ACACA: variants seen among roughly 807,000 people sequenced by gnomAD.
The protein encoded by ACACA is acetyl-CoA carboxylase alpha.
Under a neutral mutation model 296.1 loss-of-function variants are expected in ACACA, and 103 were observed. The ratio of observed to expected loss-of-function variants is 0.35; its 90% CI spans 0.30 to 0.41. The LOEUF is 0.41. Ranked by LOEUF, ACACA falls within the 10% of genes least tolerant of loss-of-function variation. ACACA has a pLI of 1.00. For synonymous variants in ACACA, 953 were observed against 1,038.6 expected (o/e 0.92, Z 1.58); for missense variants, 1,554 against 2,989.7 (o/e 0.52, Z 11.20).
At chr17:37,383,657 C>T (rs1311513922) in intron 1 of ACACA, among the ~76,000 whole-genome samples, 4 of 152,220 alleles carry the variant, frequency 2.6e-5, no homozygotes, top group African/African-American at 4.8e-5. Flanking sequence ...AAGCAATTCT[C>T]GTGCTTCAGC....
In ACACA at chr17:37,332,220, TAAAA is replaced by T. The variant is rs771392453; in HGVS notation, c.86-1799_86-1796del. 1.0e-3 allele frequency among the ~76,000 whole-genome samples: 142 copies of T among 138,522 alleles called. 2 individuals carry two copies. Among genetic ancestry groups the T allele is most frequent in the Middle Eastern group, 3.6e-3 (1 of 276 alleles). The allele number at this position is 138,522 out of a possible 152,430, so 90.9% of individuals were successfully genotyped here. A position where few individuals can be genotyped will look rare whatever the true frequency, so the allele number is the denominator to read the frequency against. On this transcript the variant is annotated intron_variant, in intron 2 of 55. Transcript: ENST00000616317. Reference sequence around the variant, plus strand: ...TATCCCAGAACTTAAAAGTATAATTTAAAAAAAAAAAAGAAAGAAAAAGAAACTA... The same window carrying T: ...TATCCCAGAACTTAAAAGTATAATTTAAAAAAAAGAAAGAAAAAGAAACTA...
intron 1 of ACACA, among the ~76,000 whole-genome samples, chr17:37,395,265 C>T (rs925367324): frequency 5.3e-5 from 8 of 151,540 alleles, no homozygotes; most frequent in Non-Finnish European, 1.2e-4. Context: ...ACCATCTTTA[C>T]TAAAAATACA....
At position 37,342,406 on chromosome 17, in the gene ACACA, CAAAAAAAAAAAAAA is replaced by C. The variant is rs1173872959; in HGVS notation, c.39-2570_39-2557del. Among the ~76,000 whole-genome samples the C allele has an allele frequency of 7.6e-4, 16 of 21,112 alleles. 1 individual carries two copies. The East Asian group carries it at 0.023, about 30-fold the overall frequency. The allele number at this position is 21,112 out of a possible 152,430, so 13.9% of individuals were successfully genotyped here. On this transcript the variant is annotated intron_variant, in intron 1 of 55. Transcript: ENST00000616317. ...CTGTGGACAAAGTAAGACTGTCTCT[CAAAAAAAAAAAAAA>C]AAAAAAAAAAAAAAAAATATATATA...
chr17:37,297,398 G>A (rs1212749186), intron 3 of ACACA, among the ~76,000 whole-genome samples: 1 of 147,266 alleles, frequency 6.8e-6, no homozygotes, highest in Non-Finnish European at 1.5e-5. Flanking sequence ...CCAAGATCGC[G>A]CCATCACACT....
chr17:37,248,477 G>T, intron 17 of ACACA, 116 bp downstream of exon 17: 2 of 842,486 alleles, frequency 2.4e-6, no homozygotes, highest in East Asian at 2.5e-5. Context: ...AAATAATGAC[G>T]GTAATTTCAC....
chr17:37,295,457 G>T (rs999662749), intron 3 of ACACA, among the ~76,000 whole-genome samples: 3 of 152,158 alleles, frequency 2.0e-5, no homozygotes, highest in Admixed American at 1.3e-4. Context: ...ACAAAGCAGG[G>T]AAAGAATAAA....
chr17:37,220,338 C>T (rs1393704274), intron 29 of ACACA, among the ~76,000 whole-genome samples: 1 of 152,014 alleles, frequency 6.6e-6, no homozygotes, highest in Non-Finnish European at 1.5e-5. Flanking sequence ...CAGAAGCAGC[C>T]CTGCAGCCTG....
chr17:37,253,042 A>G lies in ACACA; in HGVS notation c.1827-6T>C, dbSNP rs1432258553. 1.9e-6 allele frequency: 3 copies of G among 1,614,138 alleles called. No homozygotes were observed. In the Admixed American group the frequency reaches 5.0e-5, roughly 27 times the overall value. On this transcript the variant is annotated splice_region_variant and splice_polypyrimidine_tract_variant and intron_variant, in intron 14 of 55. Coordinates refer to ENST00000616317, the MANE Select transcript of ACACA (RefSeq NM_198834.3). ...TCAAAGCCACCACCATGTTTCTGGG[A>G]GAACAGAAGCCAATCTGTTTCAGCA...
intron 41 of ACACA, among the ~76,000 whole-genome samples, chr17:37,178,930 A>G (rs887946646): frequency 6.6e-6 from 1 of 152,226 alleles, no homozygotes; most frequent in Admixed American, 6.5e-5. Flanking sequence ...TGTTTCATCT[A>G]CACACCCACC....
At chr17:37,380,280 TG>T (rs2050188165) in intron 1 of ACACA, among the ~76,000 whole-genome samples, 1 of 60,676 alleles carries the variant, frequency 1.6e-5, no homozygotes, top group African/African-American at 7.7e-5. Context: ...TGTTGTGGGG[TG>T]GGGGGAGGGG....
chr17:37,115,981 CT>C (rs892423114), intron 50 of ACACA, among the ~76,000 whole-genome samples: 264 of 145,334 alleles, frequency 1.8e-3, no homozygotes, highest in Admixed American at 1.7e-3. Context: ...CTACTTCATT[CT>C]TTTTTTTTTT....
At chr17:37,299,655 AACTAG>A in intron 3 of ACACA, 1 of 1,110,494 alleles carries the variant, frequency 9.0e-7, no homozygotes, top group Non-Finnish European at 1.1e-6. Flanking sequence ...AAGCTTGTTT[AACTAG>A]AAAGTAGATC....
Position 37,330,232 on chromosome 17 carries a change from T to C in ACACA, c.279A>G (p.Ser93=), listed in dbSNP as rs760966676. Residue 93 remains serine, a synonymous_variant, in exon 3 of 56, where the codon TCA becomes TCG. Coordinates refer to ENST00000616317, the MANE Select transcript of ACACA (RefSeq NM_198834.3). ...EGSLSPASVG[S]DTLSDLGISS... ...AGATCCCCAAATCAGAGAGTGTATC[T>C]GAGCCAACAGAAGCAGGTGACAAGG... 6.2e-7 allele frequency: 1 copy of C among 1,614,186 alleles called. No homozygotes were observed. Among genetic ancestry groups the C allele is most frequent in the Admixed American group, 1.7e-5 (1 of 60,014 alleles).
At chr17:37,301,964 T>C (rs1474423432) in intron 3 of ACACA, among the ~76,000 whole-genome samples, 1 of 152,094 alleles carries the variant, frequency 6.6e-6, no homozygotes, top group Admixed American at 6.5e-5. Flanking sequence ...TCCATTTATT[T>C]AGATTTTATT....
intron 41 of ACACA, among the ~76,000 whole-genome samples, 185 bp from the exon 42 acceptor site, chr17:37,162,235 A>C (rs920564251): frequency 6.6e-6 from 1 of 152,208 alleles, no homozygotes; most frequent in East Asian, 1.9e-4. Context: ...TTATGCTGAG[A>C]ACAGCTGGTC....
intron 39 of ACACA, among the ~76,000 whole-genome samples, chr17:37,183,129 G>A (rs965582332): frequency 2.0e-5 from 3 of 152,160 alleles, no homozygotes; most frequent in Non-Finnish European, 2.9e-5. Flanking sequence ...TGGGGTAAAC[G>A]CAGCAGGTTC....
At chr17:37,329,614 T>C (rs1199411399) in intron 3 of ACACA, among the ~76,000 whole-genome samples, 2 of 148,964 alleles carry the variant, frequency 1.3e-5, no homozygotes, top group African/African-American at 2.5e-5. Flanking sequence ...GCACTCCCAT[T>C]TGGGCGACAG....
intron 1 of ACACA, chr17:37,366,887 T>A (rs2049625384): frequency 6.6e-6 from 1 of 152,048 alleles, no homozygotes. Context: ...CAGGAGTTTG[T>A]GACCAGCATG....
intron 45 of ACACA, among the ~76,000 whole-genome samples, chr17:37,134,014 A>G (rs2075223371): frequency 6.6e-6 from 1 of 152,228 alleles, no homozygotes; most frequent in South Asian, 2.1e-4. Flanking sequence ...TACTTCATTC[A>G]TTGCAGCCGG....
Sources: allele counts gnomAD v4.1 joint callset (sites outside exome capture counted in the v4.1 genomes callset), GRCh38; gene constraint gnomAD v4.1.1; transcripts MANE v1.5; gene names NCBI Gene and HGNC (gene_info 2026-07-23, HGNC 2026-07-21).